Variants in PLXDC2 observed in about 807,000 individuals in gnomAD.
PLXDC2 encodes the protein plexin domain-containing protein 2.
A neutral mutation model predicts 68.9 loss-of-function variants in PLXDC2; 40 were observed. The ratio of observed to expected loss-of-function variants is 0.58; its 90% confidence interval spans 0.45 to 0.76. The LOEUF is 0.76. Among genes scored for constraint, PLXDC2 ranks in the 30% least tolerant of loss-of-function variants. The probability of loss-of-function intolerance (pLI) is 0.00; values close to 1 mark genes in which losing one functional copy is unlikely to be tolerated. For missense variants in PLXDC2, 644 were observed against 661.9 expected, an observed-to-expected ratio of 0.97 and a Z score of 0.30; for synonymous variants, 243 against 234.2, an observed-to-expected ratio of 1.04 and a Z score of -0.34.
At chr10:20,180,034 A>G (rs549228035) in intron 9 of PLXDC2, among the ~76,000 whole-genome samples, 1 of 152,224 alleles carries the variant, frequency 6.6e-6, no homozygotes, top group African/African-American at 2.4e-5. Flanking sequence ...ATTACTGAAA[A>G]ATAAATCTTT....
At chr10:20,161,524 G>C (rs780736744) in intron 6 of PLXDC2, among the ~76,000 whole-genome samples, 1 of 151,474 alleles carries the variant, frequency 6.6e-6, no homozygotes, top group Non-Finnish European at 1.5e-5. Context: ...ATCTGAGTGG[G>C]AGAGGACGAC....
At chr10:20,039,374 A>G (rs1835637359) in intron 2 of PLXDC2, among the ~76,000 whole-genome samples, 1 of 152,154 alleles carries the variant, frequency 6.6e-6, no homozygotes, top group Non-Finnish European at 1.5e-5. Flanking sequence ...TATTTACGGC[A>G]ATTAGTAAAA....
intron 13 of PLXDC2, among the ~76,000 whole-genome samples, chr10:20,260,974 T>C (rs1835802508): frequency 6.6e-6 from 1 of 152,198 alleles, no homozygotes; most frequent in Admixed American, 6.5e-5. Flanking sequence ...ATACACCTGT[T>C]GCCATTTTTG....
chr10:19,859,244 A>AAAACAAACAAACAAAC (rs146784278), intron 1 of PLXDC2, among the ~76,000 whole-genome samples: 173 of 151,998 alleles, frequency 1.1e-3, no homozygotes, highest in African/African-American at 3.8e-3. Context: ...CACAGGGCAA[A>AAAACAAACAAACAAAC]AAACAAACAA....
intron 1 of PLXDC2, among the ~76,000 whole-genome samples, chr10:19,823,825 A>T (rs1360323676): frequency 6.6e-6 from 1 of 152,004 alleles, no homozygotes; most frequent in African/African-American, 2.4e-5. Context: ...CCTCATCTCT[A>T]CAGTTTTTTT....
intron 6 of PLXDC2, among the ~76,000 whole-genome samples, chr10:20,162,069 AGAGAAGGAAGGAAG>A (rs1234676736): frequency 2.2e-3 from 63 of 28,930 alleles, no homozygotes; most frequent in African/African-American, 5.7e-3. Context: ...AGAGAGAGAG[AGAGAAGGAAGGAAG>A]GAAGGAAGGA....
chr10:20,085,487 A>G lies in PLXDC2; in HGVS notation c.541+17248A>G, dbSNP rs532658784. Reference sequence around the variant, plus strand: ...ATCTGCTACATGATATTTAAGCTGAATTTGCATAGCATCCACATTTTTGTT... The same window carrying G: ...ATCTGCTACATGATATTTAAGCTGAGTTTGCATAGCATCCACATTTTTGTT... On this transcript the variant is annotated intron_variant, in intron 4 of 13. Transcript: ENST00000377252. 6.6e-5 allele frequency among the ~76,000 whole-genome samples: 10 copies of G among 152,306 alleles called. No individual in the cohort carries two copies. The South Asian group carries it at 1.0e-3, about 16-fold the overall frequency.
rs572573952 is a variant in PLXDC2, at chr10:19,934,117, C to T, written c.113-67658C>T. 1.1e-4 allele frequency among the ~76,000 whole-genome samples: 17 copies of T among 152,230 alleles called. No individual in the cohort carries two copies. The South Asian group carries it at 3.3e-3, about 30-fold the overall frequency. On this transcript the variant is annotated intron_variant, in intron 1 of 13. Coordinates refer to ENST00000377252, the MANE Select transcript of PLXDC2 (RefSeq NM_032812.9). ...ATAAAATGCGTGATCATTGGGATAC[C>T]ACTTCATTACCTTATACAATCACTG...
intron 1 of PLXDC2, among the ~76,000 whole-genome samples, chr10:19,864,127 A>T (rs986635762): frequency 1.3e-5 from 2 of 152,098 alleles, no homozygotes; most frequent in African/African-American, 4.8e-5. Context: ...CTGCCTCCTG[A>T]GTAGCTGGCA....
rs374483021 is a variant in PLXDC2 at position 20,046,855 on chromosome 10, A to G, written c.325-14A>G. The G allele has an allele frequency of 3.8e-6, 6 of 1,590,058 alleles. No individual in the cohort carries two copies. The African/African-American group carries it at 8.1e-5, about 22-fold the overall frequency. ...ATCTCGGTTCTTGATATACATTATT[A>G]TCTATTATTGCAGGAGGATACAGAC... is the stretch of plus-strand genomic sequence containing the variant. On this transcript the variant is annotated splice_polypyrimidine_tract_variant and intron_variant, in intron 2 of 13. Transcript: ENST00000377252.
chr10:20,016,767 G>A (rs150127412), intron 2 of PLXDC2, among the ~76,000 whole-genome samples: 40 of 152,272 alleles, frequency 2.6e-4, no homozygotes, highest in African/African-American at 9.4e-4. Context: ...CTTCTCCTGT[G>A]TCTTGGATGA....
intron 1 of PLXDC2, among the ~76,000 whole-genome samples, chr10:19,947,305 G>A (rs1024250640): frequency 2.0e-5 from 3 of 152,170 alleles, no homozygotes; most frequent in Admixed American, 6.6e-5. Flanking sequence ...CAGCCTCTGC[G>A]TTAGTGGTAA....
At chr10:19,872,834 C>A (rs1201606499) in intron 1 of PLXDC2, among the ~76,000 whole-genome samples, 5 of 152,076 alleles carry the variant, frequency 3.3e-5, no homozygotes, top group South Asian at 2.1e-4. Context: ...GTAAAAAAAA[C>A]ACACCATTTG....
At chr10:20,279,421 AGGCATTAAACCTTGCTTG>A (rs1163726445) in intron 13 of PLXDC2, among the ~76,000 whole-genome samples, 6 of 152,124 alleles carry the variant, frequency 3.9e-5, no homozygotes, top group Non-Finnish European at 1.5e-5. Flanking sequence ...CATATGCATA[AGGCATTAAACCTTGCTTG>A]GGAGAAGCTC....
chr10:19,859,015 G>C (rs929332212), intron 1 of PLXDC2, among the ~76,000 whole-genome samples: 2 of 148,292 alleles, frequency 1.3e-5, no homozygotes, highest in East Asian at 4.0e-4. Context: ...GATGAGAAAA[G>C]CAGCGAGAGA....
At chr10:19,890,977 A>G (rs1837948950) in intron 1 of PLXDC2, among the ~76,000 whole-genome samples, 1 of 152,000 alleles carries the variant, frequency 6.6e-6, no homozygotes, top group Non-Finnish European at 1.5e-5. Context: ...GCTTTCCTTG[A>G]GATTCCATCA....
chr10:20,232,285 A>G (rs1266929073), intron 12 of PLXDC2, among the ~76,000 whole-genome samples: 1 of 152,108 alleles, frequency 6.6e-6, no homozygotes, highest in Non-Finnish European at 1.5e-5. Context: ...ATGTTGTGCA[A>G]TCACTTCAGA....
At chr10:19,912,283 A>G (rs894631618) in intron 1 of PLXDC2, among the ~76,000 whole-genome samples, 1 of 152,182 alleles carries the variant, frequency 6.6e-6, no homozygotes, top group East Asian at 1.9e-4. Context: ...TTCTTTGTCT[A>G]TGAATGCAGA....
intron 1 of PLXDC2, among the ~76,000 whole-genome samples, chr10:19,855,551 T>G (rs1366974375): frequency 6.6e-6 from 1 of 152,168 alleles, no homozygotes; most frequent in Non-Finnish European, 1.5e-5. Flanking sequence ...TGGTTTCATA[T>G]TTTTCAGATT....
Sources: gnomAD v4.1 joint callset for allele counts (sites outside exome capture counted in the v4.1 genomes callset) on GRCh38, gnomAD v4.1.1 for gene constraint, MANE v1.5 for transcripts, NCBI Gene and HGNC (gene_info 2026-07-23, HGNC 2026-07-21) for gene names.